Variants in CSNK1G3 observed in about 807,000 individuals in gnomAD.
The protein encoded by CSNK1G3 is casein kinase 1 gamma 3, also known as casein kinase I isoform gamma-3.
A neutral mutation model predicts 64.3 loss-of-function variants in CSNK1G3; 23 were observed. That is an observed-to-expected ratio of 0.36 (90% CI 0.26 to 0.51). The LOEUF is 0.51. Among genes scored for constraint, CSNK1G3 ranks in the 20% least tolerant of loss-of-function variants. The pLI is 0.96. For missense variants in CSNK1G3, 357 were observed against 510.5 expected (o/e 0.70, Z 2.90); for synonymous variants, 158 against 162.2 (o/e 0.97, Z 0.20).
intron 10 of CSNK1G3, among the ~76,000 whole-genome samples, chr5:123,593,579 C>T (rs1177296503): frequency 6.6e-6 from 1 of 151,874 alleles, no homozygotes; most frequent in Non-Finnish European, 1.5e-5. Context: ...TGCGCATTGC[C>T]CTAGATGTTT....
chr5:123,593,992 G>T (rs777956261), intron 10 of CSNK1G3, among the ~76,000 whole-genome samples: 1 of 152,070 alleles, frequency 6.6e-6, no homozygotes, highest in African/African-American at 2.4e-5. Context: ...TTCGTAAGGA[G>T]CTAGGTAGTA....
intron 10 of CSNK1G3, among the ~76,000 whole-genome samples, chr5:123,602,372 A>G (rs1013488381): frequency 6.6e-5 from 10 of 152,200 alleles, no homozygotes; most frequent in Admixed American, 1.3e-4. Flanking sequence ...TGTCAGATCT[A>G]GAAGGACAGG....
In CSNK1G3 at chr5:123,607,165, A is replaced by G. The variant is rs576900231; in HGVS notation, c.1217+1803A>G. ...CTCCATTGCCTGCCACATCATGTCC[A>G]GATTTCTTGGCATGGCACCAAGGCT... On this transcript the variant is annotated intron_variant, in intron 12 of 12. Coordinates refer to ENST00000345990, the Ensembl canonical transcript of CSNK1G3. 3.3e-5 allele frequency among the ~76,000 whole-genome samples: 5 copies of G among 152,216 alleles called. No homozygotes were observed. The South Asian group carries it at 1.0e-3, about 32-fold the overall frequency.
chr5:123,543,213 C>A (rs575755580), intron 1 of CSNK1G3, among the ~76,000 whole-genome samples: 2 of 152,240 alleles, frequency 1.3e-5, no homozygotes, highest in East Asian at 3.9e-4. Context: ...CAGAGCTACT[C>A]TGAATCCTAT....
At chr5:123,562,474 T>A (rs971518191) in intron 4 of CSNK1G3, among the ~76,000 whole-genome samples, 2 of 152,074 alleles carry the variant, frequency 1.3e-5, no homozygotes, top group Non-Finnish European at 2.9e-5. Flanking sequence ...TAACTAACAA[T>A]AATAGACTGT....
chr5:123,593,202 T>TAC (rs1554081831), intron 10 of CSNK1G3, among the ~76,000 whole-genome samples: 3,516 of 146,790 alleles, frequency 0.024, 71 homozygotes, highest in African/African-American at 0.051. Flanking sequence ...TGTGTATATA[T>TAC]ACACACACAC....
At chr5:123,557,938 G>A (rs1784939579) in intron 4 of CSNK1G3, among the ~76,000 whole-genome samples, 1 of 152,144 alleles carries the variant, frequency 6.6e-6, no homozygotes, top group Admixed American at 6.6e-5. Flanking sequence ...ACCTCTACAT[G>A]TTACTGTATG....
At chr5:123,555,066 T>C (rs905994947) in intron 3 of CSNK1G3, among the ~76,000 whole-genome samples, 1 of 152,250 alleles carries the variant, frequency 6.6e-6, no homozygotes, top group Non-Finnish European at 1.5e-5. Flanking sequence ...TTTTGTGCTG[T>C]ATCTCTGTCC....
At chr5:123,548,813 T>C (rs999638415) in intron 2 of CSNK1G3, among the ~76,000 whole-genome samples, 2 of 152,124 alleles carry the variant, frequency 1.3e-5, no homozygotes, top group African/African-American at 4.8e-5. Flanking sequence ...TACATCCTGA[T>C]AAGCCCATCT....
At chr5:123,545,891 G>T in intron 2 of CSNK1G3, 50 bp downstream of exon 2, 1 of 1,391,846 alleles carries the variant, frequency 7.2e-7, no homozygotes. Context: ...TTAAAAATTG[G>T]AAGATACTTT....
chr5:123,567,837 T>TTA (rs1340474090), intron 4 of CSNK1G3, among the ~76,000 whole-genome samples: 1 of 152,194 alleles, frequency 6.6e-6, no homozygotes, highest in Non-Finnish European at 1.5e-5. Context: ...CACATCTTTA[T>TTA]TAATCAAAAT....
intron 1 of CSNK1G3, among the ~76,000 whole-genome samples, chr5:123,526,646 A>T (rs951732158): frequency 8.5e-5 from 13 of 152,158 alleles, no homozygotes; most frequent in African/African-American, 2.7e-4. Flanking sequence ...CTAGAATATC[A>T]TATAAATTGA....
chr5:123,591,266 A>T, intron 9 of CSNK1G3, 53 bp from the exon 10 acceptor site: 1 of 1,140,180 alleles, frequency 8.8e-7, no homozygotes, highest in Non-Finnish European at 1.2e-6. Context: ...AAATGATTTT[A>T]AATAAGAATT....
At chr5:123,551,695 G>C (rs775498758) in intron 2 of CSNK1G3, among the ~76,000 whole-genome samples, 1 of 152,060 alleles carries the variant, frequency 6.6e-6, no homozygotes. Flanking sequence ...AGGAGGTTCA[G>C]GCCATTATGC....
chr5:123,591,498 G>T, intron 10 of CSNK1G3, 84 bp downstream of exon 10: 7 of 705,370 alleles, frequency 9.9e-6, no homozygotes, highest in Non-Finnish European at 1.1e-5. Context: ...ACAGACTGAA[G>T]GATTGAAAAT....
chr5:123,584,240 T>C (rs2150888188), intron 6 of CSNK1G3, among the ~76,000 whole-genome samples: 1 of 152,286 alleles, frequency 6.6e-6, no homozygotes, highest in African/African-American at 2.4e-5. Context: ...GACATCTTTG[T>C]TCGTTCTTGA....
chr5:123,545,433 G>C (rs1317436239), exon 2 of CSNK1G3: 1 of 397,470 alleles, frequency 2.5e-6, no homozygotes, highest in East Asian at 3.6e-5. Flanking sequence ...ATCAATATCA[G>C]CTCACATCAT....
rs904105613 is a variant in CSNK1G3, at chr5:123,550,121, T to C, written c.179-2986T>C. On this transcript the variant is annotated intron_variant, in intron 2 of 12. Transcript: ENST00000345990. ...TTCTAACTGAAGCTATTATAAAACT[T>C]ACCTGAAAAATGTAATAACTAAGGA... Among the ~76,000 whole-genome samples, 5 of 152,194 alleles carry C rather than the reference T, an allele frequency of 3.3e-5. No homozygotes were observed. The East Asian group carries it at 9.6e-4, about 29-fold the overall frequency.
At position 123,522,515 on chromosome 5, in the gene CSNK1G3, G is replaced by A. The variant is rs77407827; in HGVS notation, c.-248+9945G>A. Among the ~76,000 whole-genome samples, 722 of 134,238 alleles carry A rather than the reference G, an allele frequency of 5.4e-3. 2 individuals are homozygous for A. The highest frequency in any genetic ancestry group is 9.4e-3 in the Admixed American group (127 of 13,492). 88.1% of individuals were successfully genotyped at this position (134,238 alleles called of 152,430 possible). ...GAGATTCTGTCTCAAAAAAAAAAAA[G>A]AAAAAAAAAATCTGAGGGTGTGGCC... On this transcript the variant is annotated intron_variant, in intron 1 of 12. Transcript: ENST00000345990.
Sources: allele counts gnomAD v4.1 joint callset (sites outside exome capture counted in the v4.1 genomes callset), GRCh38; gene constraint gnomAD v4.1.1; transcripts MANE v1.5; gene names NCBI Gene and HGNC (gene_info 2026-07-23, HGNC 2026-07-21).